Variants in TRPC7 observed in about 807,000 individuals in gnomAD.
TRPC7 encodes the protein short transient receptor potential channel 7.
In TRPC7, 42 loss-of-function variants were observed where a neutral mutation model predicts 90.1. The observed-to-expected ratio is 0.47, with a 90% CI of 0.36 to 0.60. The LOEUF (loss-of-function observed/expected upper bound fraction) is 0.60. Ranked by LOEUF, TRPC7 falls within the 20% of genes least tolerant of loss-of-function variation. The pLI is 0.00. For synonymous variants in TRPC7, 451 were observed against 436.3 expected, an observed-to-expected ratio of 1.03 and a Z score of -0.42; for missense variants, 955 against 1,112.3, an observed-to-expected ratio of 0.86 and a Z score of 2.01.
chr5:136,356,835 G>A lies in TRPC7; in HGVS notation c.553C>T (p.Leu185Phe). ...GGCCGCTCGATGCGGGCGCCCTTGA[G>A]CAGCAGGATGTGCACGATCTCATAC... Reference protein sequence around the residue: ...QEYEIVHILLLKGARIERPHD... With the variant: ...QEYEIVHILLFKGARIERPHD... The change falls in exon 2 of 12, where the codon CTC (leucine) becomes TTC (phenylalanine). Residue 185 changes from leucine (L) to phenylalanine (F), a missense_variant. Coordinates refer to ENST00000513104, the MANE Select transcript of TRPC7 (RefSeq NM_020389.3). 1 of 1,613,886 alleles carries A rather than the reference G, an allele frequency of 6.2e-7. No individual in the cohort carries two copies. The highest frequency in any genetic ancestry group is 8.5e-7 in the Non-Finnish European group (1 of 1,179,902).
chr5:136,308,544 G>C (rs1284014126), intron 3 of TRPC7, among the ~76,000 whole-genome samples: 1 of 152,210 alleles, frequency 6.6e-6, no homozygotes, highest in African/African-American at 2.4e-5. Flanking sequence ...ACATCCTCTA[G>C]AAAGCCCTGA....
chr5:136,331,606 G>C (rs1470056154), intron 2 of TRPC7, among the ~76,000 whole-genome samples: 1 of 152,182 alleles, frequency 6.6e-6, no homozygotes, highest in Non-Finnish European at 1.5e-5. Context: ...GCAGTAACTG[G>C]ATATAATTCT....
At chr5:136,290,783 A>G (rs529348507) in intron 3 of TRPC7, among the ~76,000 whole-genome samples, 26 of 152,312 alleles carry the variant, frequency 1.7e-4, no homozygotes, top group African/African-American at 6.0e-4. Context: ...TTCAGGAAAT[A>G]AAGAGAATGC....
At chr5:136,215,687 G>T (rs1755242778) in intron 11 of TRPC7, among the ~76,000 whole-genome samples, 1 of 152,102 alleles carries the variant, frequency 6.6e-6, no homozygotes, top group South Asian at 2.1e-4. Context: ...GCTGGGCGTG[G>T]TGGCACACAC....
At chr5:136,355,920 A>G (rs1276115714) in intron 2 of TRPC7, among the ~76,000 whole-genome samples, 4 of 152,238 alleles carry the variant, frequency 2.6e-5, no homozygotes, top group African/African-American at 9.6e-5. Context: ...CAGGCCTGCT[A>G]TTGAAAAATG....
intron 5 of TRPC7, among the ~76,000 whole-genome samples, chr5:136,252,285 G>A (rs1756549500): frequency 6.6e-6 from 1 of 152,122 alleles, no homozygotes; most frequent in African/African-American, 2.4e-5. Flanking sequence ...CCCACTCCAT[G>A]CCCCAAATTC....
At chr5:136,261,836 A>G (rs914930690) in intron 5 of TRPC7, among the ~76,000 whole-genome samples, 1 of 152,210 alleles carries the variant, frequency 6.6e-6, no homozygotes, top group Non-Finnish European at 1.5e-5. Context: ...AGGCATGTAT[A>G]TTCAGTTGCT....
chr5:136,301,328 A>C (rs1303574476), intron 3 of TRPC7, among the ~76,000 whole-genome samples: 1 of 132,232 alleles, frequency 7.6e-6, no homozygotes, highest in Non-Finnish European at 1.6e-5. Flanking sequence ...CACCCAGCCC[A>C]GGCATTTTTT....
At chr5:136,234,512 G>T (rs1318429418) in intron 7 of TRPC7, among the ~76,000 whole-genome samples, 1 of 152,098 alleles carries the variant, frequency 6.6e-6, no homozygotes, top group Non-Finnish European at 1.5e-5. Context: ...GTTTCACCAT[G>T]TTGGCCAGGC....
chr5:136,235,390 CCT>C (rs1034901099), intron 7 of TRPC7, among the ~76,000 whole-genome samples: 15 of 152,268 alleles, frequency 9.9e-5, no homozygotes, highest in African/African-American at 3.6e-4. Context: ...TGAAACTTGA[CCT>C]CACTACCCTG....
chr5:136,361,406 C>T (rs1760565152), intron 1 of TRPC7, among the ~76,000 whole-genome samples: 1 of 152,102 alleles, frequency 6.6e-6, no homozygotes, highest in Non-Finnish European at 1.5e-5. Flanking sequence ...TATTAAACTC[C>T]CTCTTGATCC....
rs747388376 is a variant in TRPC7, at chr5:136,213,504, T to G, written c.2520A>C (p.Gln840His). 16 of 1,614,006 alleles carry G rather than the reference T, an allele frequency of 9.9e-6. No homozygotes were observed. The highest frequency in any genetic ancestry group is 7.6e-6 in the Non-Finnish European group (9 of 1,179,884). ...AGTTCTTTCCAAACTTCTCGCTGAG[T>G]TGTTGAATCAGGTCTGCCAGCTCAC... ...ATGELADLIQ[Q>H]LSEKFGKNLN... Residue 840 changes from glutamine (Q) to histidine (H), a missense_variant, in exon 12 of 12, where the codon CAA becomes CAC. This residue lies in a region of TRPC7 where 296 missense variants were observed against 422.7 expected (regional missense o/e 0.70). Coordinates refer to ENST00000513104, the MANE Select transcript of TRPC7 (RefSeq NM_020389.3).
intron 2 of TRPC7, among the ~76,000 whole-genome samples, chr5:136,320,063 T>G (rs910663377): frequency 1.3e-5 from 2 of 152,090 alleles, no homozygotes; most frequent in African/African-American, 4.8e-5. Context: ...TATCTCCACT[T>G]GGATGTCTAA....
intron 2 of TRPC7, among the ~76,000 whole-genome samples, chr5:136,319,402 T>G (rs1759122929): frequency 6.6e-6 from 1 of 152,124 alleles, no homozygotes; most frequent in African/African-American, 2.4e-5. Flanking sequence ...TTCTCTCTCC[T>G]GAATTCTCAT....
intron 3 of TRPC7, among the ~76,000 whole-genome samples, chr5:136,286,167 G>T (rs115048783): frequency 6.6e-6 from 1 of 152,054 alleles, no homozygotes; most frequent in Non-Finnish European, 1.5e-5. Context: ...ATTCCACAGC[G>T]TACCCCCACA....
At chr5:136,248,224 C>T (rs2042243) in intron 6 of TRPC7, among the ~76,000 whole-genome samples, 19,322 of 152,254 alleles carry the variant, frequency 0.13, 1,504 homozygotes, top group East Asian at 0.29. Context: ...GGGAGTCAGA[C>T]ATCCCTGAGG....
At chr5:136,227,837 C>T (rs141364361) in intron 8 of TRPC7, among the ~76,000 whole-genome samples, 30 of 152,288 alleles carry the variant, frequency 2.0e-4, no homozygotes, top group African/African-American at 7.0e-4. Context: ...CAATACCTAT[C>T]GAATAGGCTG....
intron 2 of TRPC7, among the ~76,000 whole-genome samples, chr5:136,351,005 A>C (rs751101911): frequency 1.3e-5 from 2 of 152,258 alleles, no homozygotes; most frequent in Non-Finnish European, 2.9e-5. Flanking sequence ...TCATATTTGC[A>C]TATAACCTAT....
chr5:136,333,467 G>T (rs986630195), intron 2 of TRPC7, among the ~76,000 whole-genome samples: 7 of 152,236 alleles, frequency 4.6e-5, no homozygotes, highest in Non-Finnish European at 1.5e-5. Flanking sequence ...TTGTATTCTT[G>T]TGTAAGGAGA....
Sources: gnomAD v4.1 joint callset for allele counts (sites outside exome capture counted in the v4.1 genomes callset) on GRCh38, gnomAD v4.1.1 for gene constraint, gnomAD v4.1.1 regional missense constraint, MANE v1.5 for transcripts, NCBI Gene and HGNC (gene_info 2026-07-23, HGNC 2026-07-21) for gene names.